The following ANO3 variants were observed in gnomAD, a reference collection of about 807,000 sequenced individuals.
ANO3 encodes the protein anoctamin 3.
ANO3 carries 99 observed loss-of-function variants against 144.8 expected under a neutral mutation model. That is an observed-to-expected ratio of 0.68 (90% CI 0.58 to 0.81). The LOEUF is 0.81. Ranked by LOEUF, ANO3 falls within the 30% of genes least tolerant of loss-of-function variation. The pLI is 0.00. For synonymous variants in ANO3, 414 were observed against 392.6 expected, an observed-to-expected ratio of 1.05 and a Z score of -0.64; for missense variants, 905 against 1,202.2, an observed-to-expected ratio of 0.75 and a Z score of 3.66.
rs759989931 is a variant in ANO3 at position 26,579,920 on chromosome 11, CAT to C, written c.1448-18444_1448-18443del. Among the ~76,000 whole-genome samples the C allele has an allele frequency of 8.3e-4, 126 of 152,056 alleles. 1 individual carries two copies. The highest frequency in any genetic ancestry group is 1.6e-3 in the Non-Finnish European group (107 of 67,964). ...CTGGTATGAGGATGTAATGAGTAGA[CAT>C]GTGTAGAATATGTAACAACATGACT... On this transcript the variant is annotated intron_variant, in intron 14 of 26. Coordinates refer to ENST00000256737, the MANE Select transcript of ANO3 (RefSeq NM_031418.4).
chr11:26,484,325 A>T (rs1590403394), intron 4 of ANO3, among the ~76,000 whole-genome samples: 1 of 152,138 alleles, frequency 6.6e-6, no homozygotes, highest in African/African-American at 2.4e-5. Flanking sequence ...TGCCTATACA[A>T]CCTGAAGACA....
intron 1 of ANO3, among the ~76,000 whole-genome samples, chr11:26,422,140 GC>G (rs1857770531): frequency 6.6e-6 from 1 of 151,976 alleles, no homozygotes; most frequent in Admixed American, 6.6e-5. Context: ...TAACATATGA[GC>G]TTTTCTTCAT....
In ANO3 at chr11:26,556,361, T is replaced by C. The variant is rs541051282; in HGVS notation, c.1386+3016T>C. ...TTTTCTCTTTAAAAAAAAACTTGTT[T>C]AACAAACATGTACTCAATACCCAGT... is the stretch of plus-strand genomic sequence containing the variant. On this transcript the variant is annotated intron_variant, in intron 13 of 26. Coordinates refer to ENST00000256737, the MANE Select transcript of ANO3 (RefSeq NM_031418.4). 6.8e-5 allele frequency among the ~76,000 whole-genome samples: 10 copies of C among 147,232 alleles called. No homozygotes were observed. The East Asian group carries it at 1.8e-3, about 26-fold the overall frequency.
chr11:26,547,010 A>T (rs1849806322), intron 11 of ANO3, among the ~76,000 whole-genome samples: 1 of 151,784 alleles, frequency 6.6e-6, no homozygotes, highest in Non-Finnish European at 1.5e-5. Context: ...GCAGATGGAG[A>T]GGGAAATCTA....
chr11:26,352,675 AT>A (rs1260637969), intron 1 of ANO3, among the ~76,000 whole-genome samples: 1 of 152,076 alleles, frequency 6.6e-6, no homozygotes, highest in East Asian at 1.9e-4. Context: ...TGCTACGTAG[AT>A]TGTATGTTTC....
intron 17 of ANO3, among the ~76,000 whole-genome samples, chr11:26,614,045 A>G (rs1852176909): frequency 6.6e-6 from 1 of 152,228 alleles, no homozygotes; most frequent in Admixed American, 6.5e-5. Flanking sequence ...AGGCACATGC[A>G]TGCACTTGGG....
intron 1 of ANO3, among the ~76,000 whole-genome samples, chr11:26,343,476 T>C (rs902090424): frequency 3.9e-5 from 6 of 152,222 alleles, no homozygotes; most frequent in Non-Finnish European, 5.9e-5. Flanking sequence ...ATAATGCTTT[T>C]ATAATGGCTG....
At chr11:26,432,509 G>A (rs915273691) in intron 1 of ANO3, among the ~76,000 whole-genome samples, 1 of 152,064 alleles carries the variant, frequency 6.6e-6, no homozygotes, top group Non-Finnish European at 1.5e-5. Flanking sequence ...TGGCTAGGTC[G>A]TCTTTCAGGG....
At chr11:26,256,706 T>C (rs1451062893) in intron 1 of ANO3, among the ~76,000 whole-genome samples, 2 of 152,312 alleles carry the variant, frequency 1.3e-5, no homozygotes, top group Admixed American at 6.5e-5. Flanking sequence ...CCACCATCCC[T>C]GTGACAACGT....
At chr11:26,447,413 A>G (rs1199249942) in intron 3 of ANO3, among the ~76,000 whole-genome samples, 1 of 152,082 alleles carries the variant, frequency 6.6e-6, no homozygotes, top group East Asian at 1.9e-4. Flanking sequence ...ATAATTTGCC[A>G]AATGTCACAT....
intron 22 of ANO3, 47 bp downstream of exon 22, chr11:26,642,076 T>G: frequency 1.3e-6 from 2 of 1,583,534 alleles, no homozygotes; most frequent in Non-Finnish European, 1.7e-6. Flanking sequence ...TTGATACAAT[T>G]TTTCTACTTC....
intron 1 of ANO3, among the ~76,000 whole-genome samples, chr11:26,218,212 G>C (rs2133789773): frequency 6.6e-6 from 1 of 152,138 alleles, no homozygotes; most frequent in African/African-American, 2.4e-5. Context: ...TTAGATCATG[G>C]CCCCCTATCG....
chr11:26,520,565 A>G (rs1590451839), intron 6 of ANO3, among the ~76,000 whole-genome samples: 1 of 152,160 alleles, frequency 6.6e-6, no homozygotes, highest in East Asian at 1.9e-4. Flanking sequence ...AGCATTTTCC[A>G]AAGTGTGTCA....
intron 1 of ANO3, among the ~76,000 whole-genome samples, chr11:26,346,335 T>C (rs1217136571): frequency 2.0e-5 from 3 of 152,198 alleles, no homozygotes; most frequent in Non-Finnish European, 4.4e-5. Flanking sequence ...TAGGGCCTTA[T>C]GAAATTTAGT....
chr11:26,556,632 C>T (rs1292301413), intron 13 of ANO3, among the ~76,000 whole-genome samples: 2 of 152,066 alleles, frequency 1.3e-5, no homozygotes, highest in Non-Finnish European at 2.9e-5. Context: ...ATTTCTAGGA[C>T]CAAATTTTTT....
intron 26 of ANO3, among the ~76,000 whole-genome samples, chr11:26,659,028 G>A (rs75941298): frequency 0.085 from 12,827 of 151,750 alleles, 754 homozygotes; most frequent in South Asian, 0.16. Flanking sequence ...TATAATAACA[G>A]GAGGTAATAT....
chr11:26,199,409 G>T (rs953654683), intron 1 of ANO3, among the ~76,000 whole-genome samples: 3 of 152,100 alleles, frequency 2.0e-5, no homozygotes, highest in African/African-American at 7.2e-5. Flanking sequence ...TCCTCCAGGG[G>T]TCTCAGATTG....
chr11:26,225,594 T>G (rs1318825), intron 1 of ANO3, among the ~76,000 whole-genome samples: 45,904 of 151,876 alleles, frequency 0.3, 7,668 homozygotes, highest in Non-Finnish European at 0.37. Context: ...ATGCTTGGTT[T>G]GAGTTTCTTC....
At chr11:26,502,349 A>G (rs1358521142) in intron 4 of ANO3, among the ~76,000 whole-genome samples, 1 of 152,142 alleles carries the variant, frequency 6.6e-6, no homozygotes, top group Non-Finnish European at 1.5e-5. Context: ...TGTTGGCAAC[A>G]TTGTTATCTT....
Sources: gnomAD v4.1 joint callset for allele counts (sites outside exome capture counted in the v4.1 genomes callset) on GRCh38, gnomAD v4.1.1 for gene constraint, MANE v1.5 for transcripts, NCBI Gene and HGNC (gene_info 2026-07-23, HGNC 2026-07-21) for gene names.